USP34: variants seen among roughly 807,000 people sequenced by gnomAD.
The protein encoded by USP34 is ubiquitin carboxyl-terminal hydrolase 34.
USP34 carries 70 observed loss-of-function variants against 460.3 expected under a neutral mutation model. The observed-to-expected ratio is 0.15, with a 90% CI of 0.13 to 0.19. USP34 has a LOEUF of 0.19. USP34 is among the 10% of genes least tolerant of loss of function. USP34 has a pLI of 1.00. For synonymous variants in USP34, 1,647 were observed against 1,405.3 expected (o/e 1.17, Z -3.85); for missense variants, 3,985 against 4,236.2 (o/e 0.94, Z 1.65).
Position 61,347,999 on chromosome 2 carries a change from T to A in USP34, c.2156A>T (p.Gln719Leu), listed in dbSNP as rs200950754. Residue 719 changes from glutamine (Q) to leucine (L), a missense_variant, in exon 15 of 80, where the codon CAG (glutamine) becomes CTG (leucine). By Grantham distance (113) the Gln-to-Leu change is moderately radical. Coordinates refer to ENST00000398571, the MANE Select transcript of USP34 (RefSeq NM_014709.4). ...MNATHIAQGSQESCITRTGDF... is the reference protein window; with the variant it reads ...MNATHIAQGSLESCITRTGDF... ...CCCAGTTCGTGTGATACAAGACTCC[T>A]GAGACCCTTGTGCTATATGAGTAGC... 3 of 1,614,186 alleles carry A rather than the reference T, an allele frequency of 1.9e-6. No individual in the cohort carries two copies. The highest frequency in any genetic ancestry group is 2.5e-6 in the Non-Finnish European group (3 of 1,180,024).
chr2:61,200,427 C>T (rs1226598480), intron 75 of USP34: 8 of 152,310 alleles, frequency 5.3e-5, no homozygotes, highest in Admixed American at 2.0e-4. Context: ...CCAACCCTCT[C>T]GCTTATTATT....
chr2:61,189,273 TTTTG>T (rs1686548628), intron 78 of USP34: 3 of 515,182 alleles, frequency 5.8e-6, no homozygotes, highest in Non-Finnish European at 9.5e-6. Flanking sequence ...TTTTTTTTTG[TTTTG>T]TTTTTGTTTT....
At chr2:61,199,142 A>G (rs1686894763) in intron 75 of USP34, among the ~76,000 whole-genome samples, 1 of 152,042 alleles carries the variant, frequency 6.6e-6, no homozygotes, top group African/African-American at 2.4e-5. Flanking sequence ...AAAACTTTCA[A>G]CTTCTTATTG....
At chr2:61,285,698 T>TA (rs1405978284) in intron 34 of USP34, among the ~76,000 whole-genome samples, 1 of 151,948 alleles carries the variant, frequency 6.6e-6, no homozygotes, top group Non-Finnish European at 1.5e-5. Flanking sequence ...AAAATATATT[T>TA]AAAAAAACAT....
chr2:61,361,799 C>T (rs1253501365), intron 10 of USP34, among the ~76,000 whole-genome samples: 1 of 151,966 alleles, frequency 6.6e-6, no homozygotes, highest in Non-Finnish European at 1.5e-5. Flanking sequence ...GCAACATAAG[C>T]CAAAATATAC....
chr2:61,344,852 A>G (rs1381276400), intron 15 of USP34, among the ~76,000 whole-genome samples: 1 of 152,202 alleles, frequency 6.6e-6, no homozygotes, highest in African/African-American at 2.4e-5. Context: ...ATATCTAGAG[A>G]TATTTTTGGT....
intron 65 of USP34, among the ~76,000 whole-genome samples, chr2:61,222,402 G>A (rs1052321299): frequency 2.1e-5 from 3 of 143,504 alleles, no homozygotes; most frequent in Non-Finnish European, 4.8e-5. Flanking sequence ...CTGATACAAT[G>A]AGTCTATACA....
chr2:61,194,997 G>A (rs58394169), intron 75 of USP34, among the ~76,000 whole-genome samples: 6 of 151,430 alleles, frequency 4.0e-5, no homozygotes, highest in African/African-American at 9.7e-5. Context: ...GGTGACTCAC[G>A]CTGGTAATCC....
At chr2:61,319,803 C>T (rs1690860476) in intron 21 of USP34, among the ~76,000 whole-genome samples, 1 of 152,086 alleles carries the variant, frequency 6.6e-6, no homozygotes, top group Admixed American at 6.6e-5. Flanking sequence ...CAAGATCGGC[C>T]ACTGCACTCC....
chr2:61,386,100 G>T (rs1693136488), intron 5 of USP34, among the ~76,000 whole-genome samples: 1 of 151,922 alleles, frequency 6.6e-6, no homozygotes, highest in East Asian at 1.9e-4. Flanking sequence ...AGGCAAAACA[G>T]CACAAAATTA....
Position 61,214,709 on chromosome 2 carries a change from A to G in USP34, c.8048-15T>C, listed in dbSNP as rs1334359073. On this transcript the variant is annotated splice_polypyrimidine_tract_variant and intron_variant, in intron 67 of 79. Coordinates refer to ENST00000398571, the MANE Select transcript of USP34 (RefSeq NM_014709.4). ...ATAAGCTGCAGCTATAAAATGTAAA[A>G]CAAAACTGTCAGATCCTTGTAAGAT... The G allele has an allele frequency of 6.2e-7, 1 of 1,612,194 alleles. No homozygotes were observed. Among genetic ancestry groups the G allele is most frequent in the Admixed American group, 1.7e-5 (1 of 59,706 alleles).
In USP34 at chr2:61,311,706, C is replaced by CCAAT; in HGVS notation, c.3670-23_3670-20dup. On this transcript the variant is annotated intron_variant, in intron 26 of 79. Coordinates refer to ENST00000398571, the MANE Select transcript of USP34 (RefSeq NM_014709.4). ...TAGTCATCTGAAATATGAGATGCAACCAATTTAAAAATACAAAAAGAACAG... is the reference window on the plus strand; with the variant it reads ...TAGTCATCTGAAATATGAGATGCAACCAATCAATTTAAAAATACAAAAAGAACAG... 1.2e-6 allele frequency: 2 copies of CCAAT among 1,607,744 alleles called. No individual in the cohort carries two copies. The highest frequency in any genetic ancestry group is 8.5e-7 in the Non-Finnish European group (1 of 1,177,484).
At chr2:61,408,500 A>G (rs962592010) in intron 2 of USP34, among the ~76,000 whole-genome samples, 1 of 152,148 alleles carries the variant, frequency 6.6e-6, no homozygotes, top group African/African-American at 2.4e-5. Context: ...TTACAATTCT[A>G]TAGTATCACA....
At chr2:61,219,839 T>C (rs1286649097) in intron 67 of USP34, among the ~76,000 whole-genome samples, 5 of 152,100 alleles carry the variant, frequency 3.3e-5, no homozygotes, top group Non-Finnish European at 5.9e-5. Flanking sequence ...TTTTCTATGT[T>C]TATTTCCAAG....
chr2:61,449,699 C>T (rs1695214706), intron 1 of USP34, among the ~76,000 whole-genome samples: 1 of 152,044 alleles, frequency 6.6e-6, no homozygotes, highest in Non-Finnish European at 1.5e-5. Flanking sequence ...AACAAGGATG[C>T]CAAGACCATG....
At chr2:61,262,626 G>A (rs1324280871) in intron 43 of USP34, among the ~76,000 whole-genome samples, 2 of 152,130 alleles carry the variant, frequency 1.3e-5, no homozygotes, top group African/African-American at 2.4e-5. Context: ...TTGCTAGTGT[G>A]AACACTGCTG....
chr2:61,255,789 T>C (rs578164350), intron 48 of USP34, among the ~76,000 whole-genome samples: 11 of 152,362 alleles, frequency 7.2e-5, no homozygotes, highest in African/African-American at 2.2e-4. Context: ...TTGCAGACAC[T>C]ACCCACTTAT....
At chr2:61,447,481 A>G (rs1471833323) in intron 1 of USP34, among the ~76,000 whole-genome samples, 1 of 152,142 alleles carries the variant, frequency 6.6e-6, no homozygotes, top group East Asian at 1.9e-4. Flanking sequence ...TGCTTGTTAA[A>G]TATAAAAAAT....
chr2:61,222,502 ATTATG>A, intron 65 of USP34, 112 bp downstream of exon 65: 1 of 717,672 alleles, frequency 1.4e-6, no homozygotes, highest in Non-Finnish European at 2.3e-6. Context: ...AAAATAGGTT[ATTATG>A]TTATGGGAGA....
Sources: gnomAD v4.1 joint callset for allele counts (sites outside exome capture counted in the v4.1 genomes callset) on GRCh38, gnomAD v4.1.1 for gene constraint, MANE v1.5 for transcripts, NCBI Gene and HGNC (gene_info 2026-07-23, HGNC 2026-07-21) for gene names.